Variants in LIPJ observed in about 807,000 individuals in gnomAD.
LIPJ encodes the protein lipase member J.
LIPJ carries 33 observed loss-of-function variants against 39.8 expected under a neutral mutation model. The observed-to-expected ratio is 0.83, with a 90% confidence interval of 0.63 to 1.11. The LOEUF is 1.11. LIPJ is among the 50% of genes least tolerant of loss of function. The pLI is 0.00. For missense variants in LIPJ, 422 were observed against 427.9 expected (o/e 0.99, Z 0.12); for synonymous variants, 128 against 139.2 (o/e 0.92, Z 0.57).
chr10:88,608,183 T>G (rs996489554), downstream of LIPJ, among the ~76,000 whole-genome samples: 58 of 152,186 alleles, frequency 3.8e-4, no homozygotes, highest in African/African-American at 1.4e-3. Context: ...CTCCTCAAAG[T>G]GGAACTGAGA....
intron 2 of LIPJ, among the ~76,000 whole-genome samples, chr10:88,587,883 T>A (rs564312144): frequency 1.3e-5 from 2 of 152,208 alleles, no homozygotes; most frequent in South Asian, 4.1e-4. Context: ...TTCTATGATA[T>A]CTTGCATGAA....
chr10:88,595,900 CATTT>C (rs1851237770), intron 6 of LIPJ, among the ~76,000 whole-genome samples: 1 of 151,410 alleles, frequency 6.6e-6, no homozygotes, highest in Non-Finnish European at 1.5e-5. Flanking sequence ...AATGATGGGA[CATTT>C]ATTAAGCCTG....
upstream of LIPJ, chr10:88,582,924 A>T: frequency 1.2e-6 from 1 of 843,044 alleles, no homozygotes. Flanking sequence ...GAGGCGCGCC[A>T]CTCGGCGCAT....
chr10:88,597,635 T>A (rs948973883), intron 8 of LIPJ, among the ~76,000 whole-genome samples: 3 of 151,958 alleles, frequency 2.0e-5, no homozygotes, highest in African/African-American at 7.2e-5. Flanking sequence ...TTCTCTTAAT[T>A]CCCAAACACA....
At chr10:88,606,951 T>G in exon 11 of LIPJ, 1 of 1,394,888 alleles carries the variant, frequency 7.2e-7, no homozygotes, top group Non-Finnish European at 9.3e-7. Flanking sequence ...TCATTCCTAA[T>G]GAAATCCAAT....
At chr10:88,582,996 T>C (rs1850733181), upstream of LIPJ, 8 of 1,494,008 alleles carry the variant, frequency 5.4e-6, no homozygotes, top group African/African-American at 1.4e-5. Context: ...TAGACTTTCT[T>C]GGGTGCAGGC....
upstream of LIPJ, chr10:88,583,078 T>A: frequency 6.2e-7 from 1 of 1,611,772 alleles, no homozygotes; most frequent in Non-Finnish European, 8.5e-7. Context: ...CCCACCTGAG[T>A]CCTCAGCCTT....
upstream of LIPJ, chr10:88,583,123 T>G (rs757080039): frequency 1.2e-6 from 2 of 1,614,132 alleles, no homozygotes; most frequent in South Asian, 1.1e-5. Context: ...ACCGGACGTC[T>G]GCCTCCTCAG....
upstream of LIPJ, chr10:88,584,369 C>T (rs1276593019): frequency 1.3e-5 from 2 of 151,822 alleles, no homozygotes; most frequent in African/African-American, 4.8e-5. Flanking sequence ...ATACACAAAA[C>T]AAAATACAAA....
chr10:88,610,477 A>G (rs193286459), downstream of LIPJ, among the ~76,000 whole-genome samples: 31 of 152,288 alleles, frequency 2.0e-4, no homozygotes, highest in African/African-American at 7.0e-4. Context: ...ACTCTTCCCA[A>G]ATTTATTCAA....
rs548946439 is a variant in LIPJ, at chr10:88,591,566, G to A, written c.130+68G>A. The stretch of plus-strand genomic sequence containing the variant: ...GAAGTTCTTAATTGCTCCAATTGAC[G>A]GAGAACATAGGACAAGAAAAGCATC... On this transcript the variant is annotated intron_variant, in intron 4 of 10. Coordinates refer to ENST00000371939, the Ensembl canonical transcript of LIPJ. 30 of 1,323,524 alleles carry A rather than the reference G, an allele frequency of 2.3e-5. No individual in the cohort carries two copies. The African/African-American group carries it at 2.7e-4, about 12-fold the overall frequency. 82.0% of individuals were successfully genotyped at this position (1,323,524 alleles called of 1,614,324 possible).
exon 8 of LIPJ, chr10:88,596,927 C>T (rs867579144): frequency 6.6e-7 from 1 of 1,510,156 alleles, no homozygotes; most frequent in Non-Finnish European, 9.0e-7. Flanking sequence ...ACCCAAAAAA[C>T]TTAAATATGG....
exon 7 of LIPJ, chr10:88,596,303 T>A: frequency 6.6e-7 from 1 of 1,513,644 alleles, no homozygotes; most frequent in Non-Finnish European, 8.9e-7. Context: ...TTCTACTATA[T>A]CAAAGATAGC....
the LIPJ span, among the ~76,000 whole-genome samples, chr10:88,623,026 C>T: frequency 6.6e-6 from 1 of 152,074 alleles, no homozygotes; most frequent in African/African-American, 2.4e-5. Context: ...TTTAACTTTT[C>T]AGATATGGTC....
At chr10:88,593,747 T>C in intron 4 of LIPJ, 199 bp from the exon 5 acceptor site, 1 of 440,818 alleles carries the variant, frequency 2.3e-6, no homozygotes, top group South Asian at 5.4e-5. Context: ...ACTTGGTTAT[T>C]TGAAAGACAT....
chr10:88,599,804 T>C (rs1007026812), intron 8 of LIPJ, among the ~76,000 whole-genome samples: 3 of 151,716 alleles, frequency 2.0e-5, no homozygotes, highest in Admixed American at 1.3e-4. Context: ...AGCTTGTCTT[T>C]TATGTCTTCA....
the LIPJ span, among the ~76,000 whole-genome samples, chr10:88,613,977 T>C: frequency 6.6e-6 from 1 of 150,710 alleles, no homozygotes; most frequent in Non-Finnish European, 1.5e-5. Context: ...ATGTTTTTAG[T>C]TTAAAAATTA....
chr10:88,602,867 G>A (rs1851543140), intron 9 of LIPJ, among the ~76,000 whole-genome samples: 1 of 152,140 alleles, frequency 6.6e-6, no homozygotes, highest in Non-Finnish European at 1.5e-5. Context: ...CGAGGCGGGT[G>A]GATCACCTGA....
At chr10:88,606,919 G>T (rs565093269) in exon 11 of LIPJ, 6 of 1,471,116 alleles carry the variant, frequency 4.1e-6, no homozygotes, top group Non-Finnish European at 5.4e-6. Context: ...GAACCATGGC[G>T]CTGTGTGTTT....
Sources: allele counts gnomAD v4.1 joint callset (sites outside exome capture counted in the v4.1 genomes callset), GRCh38; gene constraint gnomAD v4.1.1; transcripts MANE v1.5; gene names NCBI Gene and HGNC (gene_info 2026-07-23, HGNC 2026-07-21).